The following GRID2 variants were observed in gnomAD, a reference collection of about 807,000 sequenced individuals.
GRID2 encodes glutamate ionotropic receptor delta type subunit 2.
A neutral mutation model predicts 114.8 loss-of-function variants in GRID2; 33 were observed. The observed-to-expected ratio is 0.29, with a 90% CI of 0.22 to 0.38. The LOEUF (loss-of-function observed/expected upper bound fraction) is 0.38. Ranked by LOEUF, GRID2 falls within the 10% of genes least tolerant of loss-of-function variation. GRID2 has a pLI of 1.00. For synonymous variants in GRID2, 505 were observed against 449.9 expected (o/e 1.12, Z -1.55); for missense variants, 1,184 against 1,257.7 (o/e 0.94, Z 0.89).
intron 4 of GRID2, among the ~76,000 whole-genome samples, chr4:93,138,614 C>T (rs1003159113): frequency 1.3e-5 from 2 of 152,148 alleles, no homozygotes; most frequent in South Asian, 4.1e-4. Flanking sequence ...TCCAGTCATT[C>T]AATTTTTCAG....
chr4:92,916,932 C>T lies in GRID2; in HGVS notation c.245-168063C>T, dbSNP rs186442495. On this transcript the variant is annotated intron_variant, in intron 2 of 15. Transcript: ENST00000282020. ...TCTAGTTCTTAGATCCCTGAAGAAT[C>T]GCCACACTGACTTCCACAATGGTTG... Among the ~76,000 whole-genome samples the T allele has an allele frequency of 5.1e-3, 780 of 152,226 alleles. 10 individuals carry two copies. The highest frequency in any genetic ancestry group is 0.018 in the African/African-American group (739 of 41,542).
chr4:92,323,345 T>C (rs1290035339), intron 1 of GRID2, among the ~76,000 whole-genome samples: 1 of 152,152 alleles, frequency 6.6e-6, no homozygotes, highest in Admixed American at 6.6e-5. Flanking sequence ...TCTTGCATTT[T>C]TGAATTAATT....
At chr4:92,316,005 A>AAAAAAAAAAAAAAAAAAAAAAC (rs1725956737) in intron 1 of GRID2, among the ~76,000 whole-genome samples, 1 of 150,666 alleles carries the variant, frequency 6.6e-6, no homozygotes, top group Admixed American at 6.6e-5. Flanking sequence ...AAAAAAAAAA[A>AAAAAAAAAAAAAAAAAAAAAAC]AAAAAAAAAG....
At chr4:92,453,653 G>A (rs2149081111) in intron 1 of GRID2, among the ~76,000 whole-genome samples, 1 of 152,202 alleles carries the variant, frequency 6.6e-6, no homozygotes, top group African/African-American at 2.4e-5. Context: ...ATAAAAAGAT[G>A]CGTAATATTA....
intron 2 of GRID2, among the ~76,000 whole-genome samples, chr4:92,849,421 C>A (rs950376614): frequency 6.6e-6 from 1 of 151,788 alleles, no homozygotes; most frequent in African/African-American, 2.4e-5. Flanking sequence ...AAGTTTGAGA[C>A]CATGCAATGA....
At chr4:92,847,579 A>G (rs922431426) in intron 2 of GRID2, among the ~76,000 whole-genome samples, 5 of 152,108 alleles carry the variant, frequency 3.3e-5, no homozygotes, top group African/African-American at 9.7e-5. Flanking sequence ...TAACATAAAG[A>G]GATGTCTTCT....
chr4:92,944,540 G>A (rs191888236), intron 2 of GRID2, among the ~76,000 whole-genome samples: 13 of 152,276 alleles, frequency 8.5e-5, no homozygotes, highest in Middle Eastern at 3.4e-3. Context: ...GCGATGCCTC[G>A]CCTTGCTTCA....
At chr4:92,538,902 CA>C in intron 1 of GRID2, among the ~76,000 whole-genome samples, 1 of 151,952 alleles carries the variant, frequency 6.6e-6, no homozygotes, top group Admixed American at 6.6e-5. Flanking sequence ...ATTATCCAGG[CA>C]TGGTGGTGGG....
intron 2 of GRID2, among the ~76,000 whole-genome samples, chr4:92,643,748 C>G (rs1731476900): frequency 6.6e-6 from 1 of 151,632 alleles, no homozygotes; most frequent in Non-Finnish European, 1.5e-5. Context: ...GTATGGGCCT[C>G]TGCACCTGGC....
chr4:92,648,444 A>G (rs1211420116), intron 2 of GRID2, among the ~76,000 whole-genome samples: 5 of 149,594 alleles, frequency 3.3e-5, no homozygotes, highest in African/African-American at 1.3e-4. Context: ...AATGGGACAC[A>G]TATCAGAAGT....
intron 1 of GRID2, among the ~76,000 whole-genome samples, chr4:92,364,811 A>T (rs970132221): frequency 1.3e-5 from 2 of 152,016 alleles, no homozygotes; most frequent in Non-Finnish European, 2.9e-5. Flanking sequence ...TCCTGTCCTA[A>T]ATATGCATCA....
At chr4:92,913,292 C>A (rs991155763) in intron 2 of GRID2, among the ~76,000 whole-genome samples, 1 of 151,788 alleles carries the variant, frequency 6.6e-6, no homozygotes, top group African/African-American at 2.4e-5. Flanking sequence ...GGAAAGTTTA[C>A]CTTCCTAGTA....
chr4:92,574,357 A>G (rs1727780256), intron 1 of GRID2, among the ~76,000 whole-genome samples: 1 of 145,162 alleles, frequency 6.9e-6, no homozygotes, highest in African/African-American at 2.5e-5. Context: ...ATAACTGGTT[A>G]TTTTGTACAC....
At chr4:92,568,804 A>T (rs1356475995) in intron 1 of GRID2, among the ~76,000 whole-genome samples, 1 of 151,950 alleles carries the variant, frequency 6.6e-6, no homozygotes, top group Non-Finnish European at 1.5e-5. Flanking sequence ...GCTCCAACTT[A>T]TAAGTGAGAA....
At chr4:93,240,759 T>G (rs559226437) in intron 8 of GRID2, among the ~76,000 whole-genome samples, 1 of 145,128 alleles carries the variant, frequency 6.9e-6, no homozygotes, top group Non-Finnish European at 1.5e-5. Context: ...TATCTAGAAG[T>G]TTTTTTTTTA....
chr4:92,945,234 T>C (rs1751536473), intron 2 of GRID2, among the ~76,000 whole-genome samples: 1 of 151,912 alleles, frequency 6.6e-6, no homozygotes, highest in Admixed American at 6.6e-5. Context: ...TTCTACTCTC[T>C]TGATTGATAG....
At position 92,630,029 on chromosome 4, in the gene GRID2, A is replaced by C. The variant is rs1579720166; in HGVS notation, c.244+39743A>C. ...TAGTGTTAGAATAATTCCTGAGCTC[A>C]GATAATTATAACAGTGTGATAAAAT... On this transcript the variant is annotated intron_variant, in intron 2 of 15. Coordinates refer to ENST00000282020, the MANE Select transcript of GRID2 (RefSeq NM_001510.4). Among the ~76,000 whole-genome samples, 3 of 151,744 alleles carry C rather than the reference A, an allele frequency of 2.0e-5. No homozygotes were observed. In the East Asian group the frequency reaches 5.8e-4, roughly 29 times the overall value.
intron 9 of GRID2, among the ~76,000 whole-genome samples, chr4:93,409,328 T>C (rs1011483193): frequency 2.6e-5 from 4 of 152,140 alleles, no homozygotes; most frequent in African/African-American, 9.7e-5. Context: ...AATGTGTAGT[T>C]GATCTCCTTC....
intron 2 of GRID2, among the ~76,000 whole-genome samples, chr4:92,921,504 G>A (rs1749335204): frequency 6.6e-6 from 1 of 152,028 alleles, no homozygotes; most frequent in African/African-American, 2.4e-5. Context: ...TTTGATCATG[G>A]TGACATACAG....
Sources: gnomAD v4.1 joint callset for allele counts (sites outside exome capture counted in the v4.1 genomes callset) on GRCh38, gnomAD v4.1.1 for gene constraint, MANE v1.5 for transcripts, NCBI Gene and HGNC (gene_info 2026-07-23, HGNC 2026-07-21) for gene names.